The following RYR2 variants were observed in gnomAD, a reference collection of about 807,000 sequenced individuals.
RYR2 encodes ryanodine receptor 2.
In RYR2, 227 loss-of-function variants were observed where a neutral mutation model predicts 601.1. That is an observed-to-expected ratio of 0.38 (90% CI 0.34 to 0.42). The LOEUF (loss-of-function observed/expected upper bound fraction) is 0.42. Ranked by LOEUF, RYR2 falls within the 10% of genes least tolerant of loss-of-function variation. RYR2 has a pLI of 1.00. For missense variants in RYR2, 4,646 were observed against 6,156.5 expected (o/e 0.75, Z 8.21); for synonymous variants, 2,223 against 2,175.1 (o/e 1.02, Z -0.61).
rs139239318 is a variant in RYR2, at chr1:237,365,573, C to T, written c.309+1201C>T. 8.5e-5 allele frequency among the ~76,000 whole-genome samples: 13 copies of T among 152,244 alleles called. No individual in the cohort carries two copies. In the East Asian group the frequency reaches 2.1e-3, roughly 25 times the overall value. ...AGAGGACGTTAATCCCTAAATTAGA[C>T]GTATCATGAAACAAGAGTTTGGGTT... On this transcript the variant is annotated intron_variant, in intron 5 of 104. Transcript: ENST00000366574.
chr1:237,496,000 A>G (rs986779857), intron 19 of RYR2, among the ~76,000 whole-genome samples: 1 of 152,246 alleles, frequency 6.6e-6, no homozygotes, highest in Admixed American at 6.5e-5. Context: ...TTCACAGTGA[A>G]GCTGGCTTTC....
intron 62 of RYR2, 100 bp downstream of exon 62, chr1:237,680,677 C>T (rs1573492769): frequency 1.3e-6 from 1 of 792,134 alleles, no homozygotes; most frequent in East Asian, 2.8e-5. Flanking sequence ...CGGAGAGTAT[C>T]TGCCCATTTC....
chr1:237,395,647 T>C (rs376574777), intron 10 of RYR2, among the ~76,000 whole-genome samples: 8 of 149,782 alleles, frequency 5.3e-5, no homozygotes, highest in East Asian at 4.0e-4. Flanking sequence ...CCCGGGTTCA[T>C]GCCATTCTCC....
At chr1:237,224,075 A>C (rs1684104398) in intron 1 of RYR2, among the ~76,000 whole-genome samples, 1 of 152,204 alleles carries the variant, frequency 6.6e-6, no homozygotes, top group African/African-American at 2.4e-5. Flanking sequence ...AATAGTATTA[A>C]TAACAAGAGA....
intron 2 of RYR2, among the ~76,000 whole-genome samples, chr1:237,300,936 A>T (rs1385534866): frequency 6.6e-6 from 1 of 152,128 alleles, no homozygotes; most frequent in Admixed American, 6.6e-5. Flanking sequence ...AGTGAATTTC[A>T]TGGAAAAGCA....
chr1:237,063,687 G>A (rs12084100), intron 1 of RYR2, among the ~76,000 whole-genome samples: 2,828 of 151,906 alleles, frequency 0.019, 85 homozygotes, highest in African/African-American at 0.063. Flanking sequence ...CTTATATGTT[G>A]CACTGTCTAG....
intron 10 of RYR2, among the ~76,000 whole-genome samples, chr1:237,414,079 TA>T (rs1238364922): frequency 6.6e-6 from 1 of 152,164 alleles, no homozygotes; most frequent in Admixed American, 6.5e-5. Flanking sequence ...TAAAAGTCTT[TA>T]AAAATCTGAT....
chr1:237,442,596 G>A (rs977123668), intron 13 of RYR2, among the ~76,000 whole-genome samples: 4 of 152,120 alleles, frequency 2.6e-5, no homozygotes, highest in African/African-American at 9.6e-5. Context: ...ATTAAAATCA[G>A]GATGCAATCA....
chr1:237,133,908 G>A (rs1230863388), intron 1 of RYR2, among the ~76,000 whole-genome samples: 10 of 115,642 alleles, frequency 8.6e-5, no homozygotes, highest in African/African-American at 3.4e-4. Context: ...CTGGGTGACA[G>A]AGCAAGACTC....
chr1:237,614,786 C>A lies in RYR2; in HGVS notation c.5658C>A (p.Gly1886=), dbSNP rs745731983. The part of the protein sequence containing the change: ...QGAGEEEAKG[G]KRPKEGLLQM... ...CTGGTGAGGAAGAAGCCAAGGGGGGCAAGCGGCCCAAGGAAGGCCTGCTCC... is the reference window on the plus strand; with the variant it reads ...CTGGTGAGGAAGAAGCCAAGGGGGGAAAGCGGCCCAAGGAAGGCCTGCTCC... Residue 1886 remains glycine, a synonymous_variant, in exon 37 of 105, where the codon GGC becomes GGA. Transcript: ENST00000366574. This position sits in a 1 kb window ranked among gnomAD's most constrained non-coding sequence, Gnocchi z 4.3. 2 of 1,608,422 alleles carry A rather than the reference C, an allele frequency of 1.2e-6. No individual in the cohort carries two copies. Among genetic ancestry groups the A allele is most frequent in the East Asian group, 4.5e-5 (2 of 44,794 alleles).
intron 7 of RYR2, 78 bp from the exon 8 acceptor site, chr1:237,377,245 G>T: frequency 2.1e-5 from 21 of 1,005,778 alleles, no homozygotes; most frequent in Non-Finnish European, 3.1e-5. Flanking sequence ...AAAGTTGTGT[G>T]TTGGGAATCA....
Position 237,614,959 on chromosome 1 carries a change from G to T in RYR2, c.5715+116G>T. The T allele has an allele frequency of 9.5e-7, 1 of 1,050,498 alleles. No individual in the cohort carries two copies. Among genetic ancestry groups the T allele is most frequent in the East Asian group, 2.6e-5 (1 of 38,226 alleles). 65.1% of individuals were successfully genotyped at this position (1,050,498 alleles called of 1,614,324 possible). ...TTATTTCTTTGCATTCCTGTGTAAT[G>T]GTAGTTCTTCATAAAATTAACTAAC... On this transcript the variant is annotated intron_variant, in intron 37 of 104. Coordinates refer to ENST00000366574, the MANE Select transcript of RYR2 (RefSeq NM_001035.3). The surrounding 1 kb of genome is among the most constrained non-coding windows in gnomAD (Gnocchi z 4.3).
At chr1:237,204,716 T>G (rs1490051835) in intron 1 of RYR2, among the ~76,000 whole-genome samples, 1 of 152,094 alleles carries the variant, frequency 6.6e-6, no homozygotes, top group Non-Finnish European at 1.5e-5. Flanking sequence ...CTTACTCTTA[T>G]GTACAGATCT....
At chr1:237,066,873 G>A (rs12138986) in intron 1 of RYR2, among the ~76,000 whole-genome samples, 24,553 of 151,976 alleles carry the variant, frequency 0.16, 2,169 homozygotes, top group Non-Finnish European at 0.19. Context: ...TCCTGACCTC[G>A]CAATCCGCCC....
chr1:237,299,761 C>T (rs1693171115), intron 2 of RYR2, among the ~76,000 whole-genome samples: 1 of 152,184 alleles, frequency 6.6e-6, no homozygotes, highest in South Asian at 2.1e-4. Context: ...TTTCACAGCA[C>T]ATGTGGTGCT....
chr1:237,257,295 A>G (rs1245469636), intron 1 of RYR2, among the ~76,000 whole-genome samples: 2 of 152,216 alleles, frequency 1.3e-5, no homozygotes, highest in Non-Finnish European at 2.9e-5. Flanking sequence ...GGGTAACCAT[A>G]ATAATAGTAA....
At position 237,650,061 on chromosome 1, in the gene RYR2, G is replaced by T. The variant is rs532016557; in HGVS notation, c.7697G>T (p.Arg2566Leu). Residue 2566 changes from arginine (R) to leucine (L), a missense_variant, in exon 50 of 105, where the codon CGG becomes CTG. Coordinates refer to ENST00000366574, the MANE Select transcript of RYR2 (RefSeq NM_001035.3). The stretch of plus-strand genomic sequence containing the variant: ...GGCTGTTCACTTACCAAAGCTCAGC[G>T]GGATTCCATAGAAGTTTGTTTACTC... The part of the protein sequence containing the change: ...SKGCSLTKAQ[R>L]DSIEVCLLSI... The T allele has an allele frequency of 6.2e-7, 1 of 1,613,954 alleles. No individual in the cohort carries two copies. Among genetic ancestry groups the T allele is most frequent in the African/African-American group, 1.3e-5 (1 of 75,024 alleles).
Position 237,374,790 on chromosome 1 carries a change from C to T in RYR2, c.458C>T (p.Thr153Ile), listed in dbSNP as rs766802574. ...TTTGATGTTGGCTTGCAAGAGGACACCACAGGTAAGCATCTTGTGCTGCGG... is the reference window on the plus strand; with the variant it reads ...TTTGATGTTGGCTTGCAAGAGGACATCACAGGTAAGCATCTTGTGCTGCGG... ...LAFDVGLQEDTTGEACWWTIH... is the reference protein window; with the variant it reads ...LAFDVGLQEDITGEACWWTIH... Residue 153 changes from threonine (T) to isoleucine (I), a missense_variant, in exon 7 of 105, where the codon ACC (threonine) becomes ATC (isoleucine). Around this residue, in one of 17 missense-constraint regions of RYR2, gnomAD observed 153 missense variants for 203.6 expected, o/e 0.75. Transcript: ENST00000366574. 215 of 1,611,312 alleles carry T rather than the reference C, an allele frequency of 1.3e-4. No homozygotes were observed. Among genetic ancestry groups the T allele is most frequent in the Non-Finnish European group, 1.8e-4 (212 of 1,178,644 alleles).
chr1:237,234,274 A>G lies in RYR2; in HGVS notation c.49-36223A>G, dbSNP rs143374137. Among the ~76,000 whole-genome samples, 921 of 152,336 alleles carry G rather than the reference A, an allele frequency of 6.0e-3. 9 individuals are homozygous for G. The highest frequency in any genetic ancestry group is 0.021 in the African/African-American group (889 of 41,576). ...TAGATAACAAGGTCATGGAATCATA[A>G]GAAGTGGCTGGAACCTTGGAAAGGA... On this transcript the variant is annotated intron_variant, in intron 1 of 104. Transcript: ENST00000366574.
Sources: gnomAD v4.1 joint callset for allele counts (sites outside exome capture counted in the v4.1 genomes callset) on GRCh38, gnomAD v4.1.1 for gene constraint, gnomAD v4.1.1 regional missense constraint, Gnocchi (gnomAD v3.1) non-coding constraint, MANE v1.5 for transcripts, NCBI Gene and HGNC (gene_info 2026-07-23, HGNC 2026-07-21) for gene names.